Variants in AMBP observed in about 807,000 individuals in gnomAD.
AMBP encodes protein AMBP.
AMBP carries 37 observed loss-of-function variants against 46.3 expected under a neutral mutation model. The observed-to-expected ratio is 0.80, with a 90% CI of 0.61 to 1.05. The LOEUF (loss-of-function observed/expected upper bound fraction) is 1.05, where lower values mean the gene tolerates loss of function less well. AMBP is among the 50% of genes least tolerant of loss of function. AMBP has a pLI of 0.00. For synonymous variants in AMBP, 174 were observed against 175.9 expected, an observed-to-expected ratio of 0.99 and a Z score of 0.09; for missense variants, 475 against 461.2, an observed-to-expected ratio of 1.03 and a Z score of -0.27.
intron 6 of AMBP, among the ~76,000 whole-genome samples, chr9:114,065,459 C>T (rs762349593): frequency 3.9e-5 from 6 of 152,172 alleles, no homozygotes; most frequent in Admixed American, 2.0e-4. Flanking sequence ...TCGAAGCCCA[C>T]AGAAGGAACC....
chr9:114,076,139 G>A (rs1430682883), intron 2 of AMBP, among the ~76,000 whole-genome samples: 1 of 152,052 alleles, frequency 6.6e-6, no homozygotes, highest in Non-Finnish European at 1.5e-5. Context: ...AAGGGTGGAG[G>A]TCAGAGGTGA....
chr9:114,061,107 T>G lies in AMBP; in HGVS notation c.854-9A>C, dbSNP rs1588487150. The G allele has an allele frequency of 1.2e-6, 2 of 1,612,642 alleles. No homozygotes were observed. The highest frequency in any genetic ancestry group is 1.7e-5 in the Admixed American group (1 of 59,852). The stretch of plus-strand genomic sequence containing the variant: ...GGGGAGATTGCAGGCCGCTGTGGAG[T>G]GGAGAGAGGCATGGAACTTGAGAAA... On this transcript the variant is annotated splice_polypyrimidine_tract_variant and intron_variant, in intron 8 of 9. Transcript: ENST00000265132.
chr9:114,060,823 A>T, intron 9 of AMBP, 102 bp downstream of exon 9: 1 of 1,311,716 alleles, frequency 7.6e-7, no homozygotes, highest in Middle Eastern at 2.6e-4. Context: ...CCAGGTACAG[A>T]GTCCAGAACT....
chr9:114,070,613 A>G (rs572764263), intron 5 of AMBP, among the ~76,000 whole-genome samples: 1 of 152,186 alleles, frequency 6.6e-6, no homozygotes, highest in African/African-American at 2.4e-5. Flanking sequence ...GGCCCAGGGC[A>G]GTGCTGCACT....
intron 6 of AMBP, 114 bp from the exon 7 acceptor site, chr9:114,062,872 A>G: frequency 2.9e-6 from 3 of 1,034,142 alleles, no homozygotes; most frequent in Non-Finnish European, 4.5e-6. Context: ...GTAGGTAGGA[A>G]CACAGCTCTT....
At chr9:114,060,291 A>G in intron 9 of AMBP, 21 bp from the exon 10 acceptor site, 1 of 1,612,562 alleles carries the variant, frequency 6.2e-7, no homozygotes, top group Non-Finnish European at 8.5e-7. Context: ...AGAGAGACTC[A>G]GGGAGGGGTC....
At chr9:114,064,388 A>G (rs1020546665) in intron 6 of AMBP, among the ~76,000 whole-genome samples, 4 of 152,098 alleles carry the variant, frequency 2.6e-5, no homozygotes, top group Admixed American at 6.5e-5. Context: ...GGGAATATTT[A>G]GAAACAATTT....
chr9:114,070,438 T>C (rs1467839060), intron 5 of AMBP, among the ~76,000 whole-genome samples: 1 of 152,168 alleles, frequency 6.6e-6, no homozygotes, highest in Non-Finnish European at 1.5e-5. Context: ...TCGCCCACCA[T>C]CACTGCGGAG....
At chr9:114,070,761 A>ACCAGGTT in intron 5 of AMBP, among the ~76,000 whole-genome samples, 1 of 152,100 alleles carries the variant, frequency 6.6e-6, no homozygotes, top group East Asian at 1.9e-4. Context: ...CACTAAGGGC[A>ACCAGGTT]CCAGGTTCCT....
intron 5 of AMBP, chr9:114,070,047 T>C (rs1294745052): frequency 4.1e-5 from 16 of 393,686 alleles, no homozygotes; most frequent in Non-Finnish European, 6.9e-5. Flanking sequence ...ACAGTGCTAT[T>C]GTACTTAATG....
In AMBP at chr9:114,070,704, C is replaced by T. The variant is rs527844140; in HGVS notation, c.557-959G>A. On this transcript the variant is annotated intron_variant, in intron 5 of 9. Coordinates refer to ENST00000265132, the MANE Select transcript of AMBP (RefSeq NM_001633.4). ...ACCCTGGGGTGGGAAATGGGAGTGG[C>T]GTCCGCTTCAGGGACCCAGCCAGTG... Among the ~76,000 whole-genome samples the T allele has an allele frequency of 3.3e-5, 5 of 152,106 alleles. No individual in the cohort carries two copies. The South Asian group carries it at 8.3e-4, about 25-fold the overall frequency.
intron 5 of AMBP, 24 bp downstream of exon 5, chr9:114,072,901 T>A (rs760448064): frequency 1.2e-6 from 2 of 1,608,824 alleles, no homozygotes; most frequent in Non-Finnish European, 1.7e-6. Flanking sequence ...GGACAGGAAT[T>A]TGAGGCGGAG....
intron 3 of AMBP, 70 bp downstream of exon 3, chr9:114,074,886 CAGAG>C (rs1564373411): frequency 7.5e-7 from 1 of 1,327,404 alleles, no homozygotes; most frequent in Non-Finnish European, 1.1e-6. Context: ...GTTACAGAGG[CAGAG>C]GGAGCTGAGG....
Position 114,061,470 on chromosome 9 carries a change from G to A in AMBP, c.807C>T (p.Asn269=). Residue 269 remains asparagine (N), a synonymous_variant, in exon 8 of 10, where the codon AAC becomes AAT. Transcript: ENST00000265132. ...GACACTCCTTTTCTGTGACGAAGTT[G>A]TTACCGTTGCCCATGCAGCCGCCGT... ...FQYGGCMGNG[N]NFVTEKECLQ... 1 of 1,614,124 alleles carries A rather than the reference G, an allele frequency of 6.2e-7. No individual in the cohort carries two copies. The highest frequency in any genetic ancestry group is 1.7e-5 in the Admixed American group (1 of 60,018).
At chr9:114,069,000 G>T (rs533910708) in intron 6 of AMBP, among the ~76,000 whole-genome samples, 16 of 151,444 alleles carry the variant, frequency 1.1e-4, no homozygotes, top group Admixed American at 9.2e-4. Context: ...TTTGTGGGGG[G>T]TTTATAGTTT....
At chr9:114,067,959 T>C (rs1478086884) in intron 6 of AMBP, among the ~76,000 whole-genome samples, 1 of 152,198 alleles carries the variant, frequency 6.6e-6, no homozygotes, top group Non-Finnish European at 1.5e-5. Context: ...AAGCTGTGGT[T>C]ATATTCACTA....
chr9:114,061,228 T>C (rs1846633953), intron 8 of AMBP, 130 bp from the exon 9 acceptor site: 1 of 1,394,844 alleles, frequency 7.2e-7, no homozygotes, highest in Admixed American at 2.4e-5. Flanking sequence ...ATGGGGAAAC[T>C]GGGGCCCACA....
At chr9:114,072,311 C>A (rs2134853392) in intron 5 of AMBP, among the ~76,000 whole-genome samples, 1 of 152,270 alleles carries the variant, frequency 6.6e-6, no homozygotes, top group Non-Finnish European at 1.5e-5. Context: ...CCAGCCATAC[C>A]CTTACAGAGT....
intron 4 of AMBP, 117 bp downstream of exon 4, chr9:114,073,919 T>A (rs543323577): frequency 2.2e-6 from 2 of 900,526 alleles, no homozygotes; most frequent in South Asian, 2.9e-5. Context: ...TTTCTCCAAA[T>A]TGGAGTTTTG....
Sources: gnomAD v4.1 joint callset for allele counts (sites outside exome capture counted in the v4.1 genomes callset) on GRCh38, gnomAD v4.1.1 for gene constraint, MANE v1.5 for transcripts, NCBI Gene and HGNC (gene_info 2026-07-23, HGNC 2026-07-21) for gene names.